The following RHPN2 variants were observed in gnomAD, a reference collection of about 807,000 sequenced individuals.
The protein encoded by RHPN2 is rhophilin-2.
A neutral mutation model predicts 79.0 loss-of-function variants in RHPN2; 40 were observed. That is an observed-to-expected ratio of 0.51 (90% CI 0.39 to 0.66). The LOEUF is 0.66. Among genes scored for constraint, RHPN2 ranks in the 30% least tolerant of loss-of-function variants. The pLI, the probability that RHPN2 is intolerant of heterozygous loss-of-function variation, is 0.00. For synonymous variants in RHPN2, 285 were observed against 363.5 expected (o/e 0.78, Z 2.46); for missense variants, 686 against 883.5 (o/e 0.78, Z 2.83).
chr19:33,039,709 A>G (rs539246954), intron 2 of RHPN2, among the ~76,000 whole-genome samples: 17 of 151,966 alleles, frequency 1.1e-4, no homozygotes, highest in Admixed American at 1.1e-3. Flanking sequence ...ATGATGGCGC[A>G]TGCTTGTAGT....
chr19:33,026,047 A>G (rs1230078330), intron 3 of RHPN2, among the ~76,000 whole-genome samples: 3 of 147,764 alleles, frequency 2.0e-5, no homozygotes, highest in African/African-American at 7.6e-5. Context: ...GCTGGAGTAC[A>G]GTAGTGTGAT....
intron 6 of RHPN2, 58 bp downstream of exon 6, chr19:33,011,621 C>G: frequency 6.2e-7 from 1 of 1,613,054 alleles, no homozygotes. Flanking sequence ...GATGCTGAGG[C>G]TCCAAAATTG....
Position 33,064,778 on chromosome 19 carries a change from G to T in RHPN2, c.69+6C>A, listed in dbSNP as rs1408972846. Reference sequence around the variant, plus strand: ...GGTCCCCGCCCGCCCGCCCGAAGCCGCCCACCTTCCGAAAGTAGCCGTCGT... The same window carrying T: ...GGTCCCCGCCCGCCCGCCCGAAGCCTCCCACCTTCCGAAAGTAGCCGTCGT... On this transcript the variant is annotated splice_donor_region_variant and intron_variant, in intron 1 of 14. Transcript: ENST00000254260. The T allele has an allele frequency of 4.0e-6, 2 of 497,246 alleles. No individual in the cohort carries two copies. Among genetic ancestry groups the T allele is most frequent in the Non-Finnish European group, 6.5e-6 (2 of 306,746 alleles). The allele number at this position is 497,246 out of a possible 1,614,324, so 30.8% of individuals were successfully genotyped here. A position where few individuals can be genotyped will look rare whatever the true frequency, so the allele number is the denominator to read the frequency against.
At position 33,001,895 on chromosome 19, in the gene RHPN2, C is replaced by T. The variant is rs1372049857; in HGVS notation, c.1105+352G>A. On this transcript the variant is annotated intron_variant, in intron 9 of 14. Transcript: ENST00000254260. ...CTGAGATTACAGGCATGAGCCACAG[C>T]ACCTGGCCTGCATTAATTTTGATTC... 2.0e-5 allele frequency among the ~76,000 whole-genome samples: 3 copies of T among 152,208 alleles called. No homozygotes were observed. The East Asian group carries it at 5.8e-4, about 29-fold the overall frequency.
intron 2 of RHPN2, among the ~76,000 whole-genome samples, chr19:33,029,532 A>T (rs529983889): frequency 1.3e-4 from 20 of 151,958 alleles, no homozygotes; most frequent in African/African-American, 4.6e-4. Flanking sequence ...TCTCAGAAAA[A>T]AAAAAAAAAA....
In RHPN2 at chr19:32,991,844, C is replaced by T. The variant is rs755038314; in HGVS notation, c.1623G>A (p.Leu541=). ...RGNAPVQVHF[L]DPYCSASVAG... Reference sequence around the variant, plus strand: ...TTACCGAGGCAGAGCAGTAAGGATCCAGGAAGTGAACCTGAACGGGGGCGT... The same window carrying T: ...TTACCGAGGCAGAGCAGTAAGGATCTAGGAAGTGAACCTGAACGGGGGCGT... The change falls in exon 13 of 15, where the codon CTG becomes CTA. Residue 541 remains leucine (L), a synonymous_variant. Coordinates refer to ENST00000254260, the MANE Select transcript of RHPN2 (RefSeq NM_033103.5). The T allele has an allele frequency of 6.2e-7, 1 of 1,613,936 alleles. No homozygotes were observed. The highest frequency in any genetic ancestry group is 8.5e-7 in the Non-Finnish European group (1 of 1,179,864).
chr19:32,994,777 C>G (rs1971687637), intron 11 of RHPN2, among the ~76,000 whole-genome samples: 1 of 151,960 alleles, frequency 6.6e-6, no homozygotes, highest in Non-Finnish European at 1.5e-5. Flanking sequence ...GCCTGGCCAA[C>G]ATGATGAAAC....
At chr19:33,055,364 A>T (rs1034460636) in intron 1 of RHPN2, among the ~76,000 whole-genome samples, 10 of 137,752 alleles carry the variant, frequency 7.3e-5, no homozygotes, top group Non-Finnish European at 1.1e-4. Context: ...TGTCATCTTT[A>T]AAAAAAAAAA....
intron 3 of RHPN2, 37 bp from the exon 4 acceptor site, chr19:33,021,683 C>T: frequency 6.5e-7 from 1 of 1,541,022 alleles, no homozygotes; most frequent in Middle Eastern, 1.7e-4. Flanking sequence ...TGAACACCCC[C>T]AACCGGACCC....
intron 1 of RHPN2, among the ~76,000 whole-genome samples, chr19:33,052,545 A>G (rs1003570301): frequency 2.0e-5 from 3 of 152,174 alleles, no homozygotes; most frequent in African/African-American, 7.2e-5. Flanking sequence ...TCAACCACCA[A>G]ACTCTGGAAA....
chr19:33,013,307 GC>G (rs1319295647), intron 4 of RHPN2, among the ~76,000 whole-genome samples: 2 of 151,840 alleles, frequency 1.3e-5, no homozygotes, highest in African/African-American at 4.8e-5. Flanking sequence ...TGATTCTCGT[GC>G]CTCAGCCTCC....
chr19:33,003,260 A>T (rs1337721372), intron 7 of RHPN2, among the ~76,000 whole-genome samples: 2 of 146,192 alleles, frequency 1.4e-5, no homozygotes, highest in East Asian at 4.3e-4. Flanking sequence ...CTGGAGGCTG[A>T]GGCAGGAGGA....
chr19:33,057,794 T>C (rs1972246207), intron 1 of RHPN2, among the ~76,000 whole-genome samples: 1 of 151,994 alleles, frequency 6.6e-6, no homozygotes, highest in African/African-American at 2.4e-5. Context: ...ATTTCCAACC[T>C]GAGGCTAAGT....
At position 33,002,241 on chromosome 19, in the gene RHPN2, C is replaced by A. The variant is rs779706277; in HGVS notation, c.1105+6G>T. ...TCGCCAAACTCCCGAACCCCCCAGG[C>A]CTTACCCTGGTGGTCGATGAGGAGG... On this transcript the variant is annotated splice_donor_region_variant and intron_variant, in intron 9 of 14. Coordinates refer to ENST00000254260, the MANE Select transcript of RHPN2 (RefSeq NM_033103.5). 2.5e-6 allele frequency: 4 copies of A among 1,612,316 alleles called. No individual in the cohort carries two copies. Among genetic ancestry groups the A allele is most frequent in the African/African-American group, 1.3e-5 (1 of 74,878 alleles).
At chr19:33,044,424 T>G in intron 1 of RHPN2, 60 bp from the exon 2 acceptor site, 1 of 1,026,098 alleles carries the variant, frequency 9.7e-7, no homozygotes, top group Non-Finnish European at 1.6e-6. Context: ...GATGACAGGG[T>G]TTAATATAAT....
intron 7 of RHPN2, among the ~76,000 whole-genome samples, chr19:33,006,423 C>A (rs1971791636): frequency 6.6e-6 from 1 of 152,094 alleles, no homozygotes; most frequent in Non-Finnish European, 1.5e-5. Context: ...TAGGACCAAT[C>A]ATTATAACAT....
intron 1 of RHPN2, among the ~76,000 whole-genome samples, chr19:33,047,509 C>A (rs1000573331): frequency 6.6e-6 from 1 of 152,134 alleles, no homozygotes; most frequent in Admixed American, 6.6e-5. Flanking sequence ...TCCTCTTTGC[C>A]GCTTATCTCT....
intron 14 of RHPN2, among the ~76,000 whole-genome samples, chr19:32,981,975 T>C (rs1971578788): frequency 6.6e-6 from 1 of 152,186 alleles, no homozygotes; most frequent in Non-Finnish European, 1.5e-5. Flanking sequence ...CCACATGGGC[T>C]ATCACCGGCT....
At chr19:33,036,878 G>T (rs10402158) in intron 2 of RHPN2, among the ~76,000 whole-genome samples, 5 of 148,558 alleles carry the variant, frequency 3.4e-5, no homozygotes, top group African/African-American at 1.0e-4. Flanking sequence ...GAGCCCCCCC[G>T]CCACCCTCTG....
Sources: allele counts gnomAD v4.1 joint callset (sites outside exome capture counted in the v4.1 genomes callset), GRCh38; gene constraint gnomAD v4.1.1; transcripts MANE v1.5; gene names NCBI Gene and HGNC (gene_info 2026-07-23, HGNC 2026-07-21).